The following FARSB variants were observed in gnomAD, a reference collection of about 807,000 sequenced individuals.
FARSB encodes phenylalanyl-tRNA synthetase subunit beta.
FARSB carries 40 observed loss-of-function variants against 69.6 expected under a neutral mutation model. The observed-to-expected ratio is 0.57, with a 90% CI of 0.45 to 0.75. The LOEUF is 0.75. Ranked by LOEUF, FARSB falls within the 30% of genes least tolerant of loss-of-function variation. The probability of loss-of-function intolerance (pLI) is 0.00; values close to 1 mark genes in which losing one functional copy is unlikely to be tolerated. For synonymous variants in FARSB, 235 were observed against 247.2 expected (o/e 0.95, Z 0.46); for missense variants, 632 against 722.9 (o/e 0.87, Z 1.44).
chr2:222,581,689 T>C (rs1689972694), intron 16 of FARSB, among the ~76,000 whole-genome samples: 1 of 152,156 alleles, frequency 6.6e-6, no homozygotes, highest in Non-Finnish European at 1.5e-5. Flanking sequence ...AAAAACAGCA[T>C]ATGTATATCA....
rs962564496 is a variant in FARSB, at chr2:222,648,302, A to G, written c.114+438T>C. 1.1e-4 allele frequency among the ~76,000 whole-genome samples: 17 copies of G among 152,220 alleles called. 1 individual carries two copies. The highest frequency in any genetic ancestry group is 4.1e-4 in the African/African-American group (17 of 41,456). ...ACAAGACCAATGAATATAGTAATGC[A>G]TTAGTACTGGTTGAAGAGGCACGGA... On this transcript the variant is annotated intron_variant, in intron 2 of 16. Coordinates refer to ENST00000281828, the MANE Select transcript of FARSB (RefSeq NM_005687.5).
At chr2:222,642,787 A>C in intron 3 of FARSB, 64 bp downstream of exon 3, 8 of 1,263,468 alleles carry the variant, frequency 6.3e-6, no homozygotes, top group Non-Finnish European at 7.7e-6. Context: ...ATGGCTGCTG[A>C]TAATGACAAG....
chr2:222,578,917 G>T (rs941402915), intron 16 of FARSB, among the ~76,000 whole-genome samples: 60 of 152,310 alleles, frequency 3.9e-4, no homozygotes, highest in African/African-American at 1.3e-3. Flanking sequence ...GGGAGGGGGA[G>T]GTTGCAGTAA....
At position 222,624,361 on chromosome 2, in the gene FARSB, C is replaced by T; in HGVS notation, c.1081G>A (p.Ala361Thr). 2 of 1,610,428 alleles carry T rather than the reference C, an allele frequency of 1.2e-6. No individual in the cohort carries two copies. Among genetic ancestry groups the T allele is most frequent in the Non-Finnish European group, 1.7e-6 (2 of 1,176,650 alleles). Residue 361 changes from alanine (A) to threonine (T), a missense_variant, in exon 12 of 17, where the codon GCA becomes ACA. Transcript: ENST00000281828. ...IPPTRADIIHACDIVEDAAIA... is the reference protein window; with the variant it reads ...IPPTRADIIHTCDIVEDAAIA... ...GCTGCATCTTCTACAATATCACATGCATGGATAATGTCAGCTCTGGTTGGA... is the reference window on the plus strand; with the variant it reads ...GCTGCATCTTCTACAATATCACATGTATGGATAATGTCAGCTCTGGTTGGA...
At chr2:222,630,549 T>A (rs549360173) in intron 8 of FARSB, among the ~76,000 whole-genome samples, 1 of 152,316 alleles carries the variant, frequency 6.6e-6, no homozygotes, top group South Asian at 2.1e-4. Flanking sequence ...AGTATGACAC[T>A]AGGCAAACCA....
chr2:222,592,919 C>G (rs574992392), intron 16 of FARSB, among the ~76,000 whole-genome samples: 1 of 152,010 alleles, frequency 6.6e-6, no homozygotes, highest in Non-Finnish European at 1.5e-5. Context: ...AGAGTTGTCC[C>G]TCTCTGACCT....
chr2:222,647,497 C>T (rs1208679072), intron 2 of FARSB, among the ~76,000 whole-genome samples: 1 of 152,212 alleles, frequency 6.6e-6, no homozygotes, highest in African/African-American at 2.4e-5. Context: ...GTTAAGCCCT[C>T]AGCTCCTTAG....
intron 16 of FARSB, among the ~76,000 whole-genome samples, chr2:222,579,085 G>A (rs923772159): frequency 3.3e-5 from 5 of 152,166 alleles, no homozygotes; most frequent in African/African-American, 1.2e-4. Flanking sequence ...AGCCCTTTGT[G>A]GGACAGACAA....
intron 6 of FARSB, among the ~76,000 whole-genome samples, chr2:222,634,083 T>C (rs1308539190): frequency 1.3e-5 from 2 of 152,252 alleles, no homozygotes; most frequent in African/African-American, 4.8e-5. Flanking sequence ...AAACACTAGC[T>C]AAGTTTTACT....
intron 15 of FARSB, among the ~76,000 whole-genome samples, chr2:222,604,905 C>T (rs1690660652): frequency 6.6e-6 from 1 of 151,740 alleles, no homozygotes; most frequent in African/African-American, 2.4e-5. Flanking sequence ...ATGCCTACAG[C>T]CTAAAAAGAA....
chr2:222,611,552 G>A (rs1169459), intron 15 of FARSB, among the ~76,000 whole-genome samples: 131,810 of 152,028 alleles, frequency 0.87, 57,320 homozygotes, highest in East Asian at 0.97. Context: ...GGCTCAAAAG[G>A]TTCTCCCACC....
intron 1 of FARSB, among the ~76,000 whole-genome samples, chr2:222,653,775 T>C (rs1159674295): frequency 6.6e-6 from 1 of 151,994 alleles, no homozygotes; most frequent in Admixed American, 6.6e-5. Flanking sequence ...GGACTACACG[T>C]ATACACCACC....
Position 222,571,910 on chromosome 2 carries a change from G to A in FARSB, c.1731C>T (p.Pro577=), listed in dbSNP as rs1398044215. ...DVITKFELTM[P]CSSLEINVGP... is the part of the protein sequence containing the mutation. ...CAACATTGATTTCTAGGGAGGAGCA[G>A]GGCATGGTCAGCTCAAATTTGGTGA... The change falls in exon 17 of 17, where the codon CCC becomes CCT. Residue 577 remains proline (P), a synonymous_variant. Coordinates refer to ENST00000281828, the MANE Select transcript of FARSB (RefSeq NM_005687.5). 3 of 1,613,692 alleles carry A rather than the reference G, an allele frequency of 1.9e-6. No individual in the cohort carries two copies. The highest frequency in any genetic ancestry group is 2.5e-6 in the Non-Finnish European group (3 of 1,179,770).
intron 16 of FARSB, among the ~76,000 whole-genome samples, chr2:222,592,577 C>T (rs758127183): frequency 1.7e-4 from 25 of 151,402 alleles, no homozygotes; most frequent in Non-Finnish European, 2.9e-4. Flanking sequence ...TTTCAGGACC[C>T]GGGCCCTTGA....
intron 1 of FARSB, among the ~76,000 whole-genome samples, chr2:222,649,282 TA>T (rs910200045): frequency 5.0e-5 from 4 of 79,664 alleles, no homozygotes; most frequent in African/African-American, 1.8e-4. Flanking sequence ...AAATTTAAGA[TA>T]AAAAAAAGAA....
chr2:222,617,268 T>C lies in FARSB; in HGVS notation c.1344+2377A>G, dbSNP rs1024407343. On this transcript the variant is annotated intron_variant, in intron 14 of 16. Transcript: ENST00000281828. ...ACCCGCCTCGGCCTCCCAAGAAAGA[T>C]TGATTCTTAAGTGTGCTAAGCCACA... 9.9e-5 allele frequency among the ~76,000 whole-genome samples: 15 copies of C among 152,170 alleles called. 5 individuals are homozygous for C. Among genetic ancestry groups the C allele is most frequent in the Non-Finnish European group, 1.5e-4 (10 of 67,994 alleles).
intron 16 of FARSB, among the ~76,000 whole-genome samples, chr2:222,574,576 G>A (rs890421567): frequency 3.3e-5 from 5 of 152,050 alleles, no homozygotes; most frequent in East Asian, 3.9e-4. Flanking sequence ...CAACTCACAC[G>A]TAAAAAGGAA....
At chr2:222,594,668 T>C (rs187350478) in intron 16 of FARSB, among the ~76,000 whole-genome samples, 4 of 152,284 alleles carry the variant, frequency 2.6e-5, no homozygotes, top group Admixed American at 2.6e-4. Context: ...TTAAAAAGGT[T>C]AAGAAACACT....
intron 15 of FARSB, among the ~76,000 whole-genome samples, chr2:222,611,508 T>C (rs1468906720): frequency 6.6e-6 from 1 of 152,090 alleles, no homozygotes; most frequent in Non-Finnish European, 1.5e-5. Flanking sequence ...GTGTAGTTAG[T>C]GTAAACATAG....
Sources: allele counts gnomAD v4.1 joint callset (sites outside exome capture counted in the v4.1 genomes callset), GRCh38; gene constraint gnomAD v4.1.1; transcripts MANE v1.5; gene names NCBI Gene and HGNC (gene_info 2026-07-23, HGNC 2026-07-21).